The following CWC27 variants were observed in gnomAD, a reference collection of about 807,000 sequenced individuals.
CWC27 encodes CWC27 spliceosome associated cyclophilin.
A neutral mutation model predicts 63.6 loss-of-function variants in CWC27; 47 were observed. The observed-to-expected ratio is 0.74, with a 90% CI of 0.58 to 0.94. The LOEUF (loss-of-function observed/expected upper bound fraction) is 0.94, where lower values mean the gene tolerates loss of function less well. CWC27 is among the 40% of genes least tolerant of loss of function. CWC27 has a pLI of 0.00. For synonymous variants in CWC27, 175 were observed against 179.8 expected, an observed-to-expected ratio of 0.97 and a Z score of 0.22; for missense variants, 495 against 554.3, an observed-to-expected ratio of 0.89 and a Z score of 1.07.
At chr5:64,781,766 A>C (rs1354787566) in intron 2 of CWC27, among the ~76,000 whole-genome samples, 155 bp from the exon 3 acceptor site, 1 of 152,156 alleles carries the variant, frequency 6.6e-6, no homozygotes, top group Non-Finnish European at 1.5e-5. Flanking sequence ...CTGAGAAGTA[A>C]CTATTTTATA....
chr5:65,014,276 G>A (rs561564946), intron 13 of CWC27, among the ~76,000 whole-genome samples: 1 of 145,942 alleles, frequency 6.9e-6, no homozygotes, highest in African/African-American at 2.5e-5. Flanking sequence ...ATATACCATA[G>A]AGATCAGTTA....
At chr5:64,987,934 G>T (rs266560) in intron 13 of CWC27, among the ~76,000 whole-genome samples, 68,065 of 151,890 alleles carry the variant, frequency 0.45, 15,412 homozygotes, top group African/African-American at 0.47. Context: ...TGTGATGTTG[G>T]CTATGCTTCT....
chr5:64,893,018 A>G lies in CWC27; in HGVS notation c.1042+7472A>G, dbSNP rs148503828. 6.0e-3 allele frequency among the ~76,000 whole-genome samples: 920 copies of G among 152,182 alleles called. 12 individuals are homozygous for G. The highest frequency in any genetic ancestry group is 0.021 in the African/African-American group (892 of 41,514). On this transcript the variant is annotated intron_variant, in intron 11 of 13. Coordinates refer to ENST00000381070, the MANE Select transcript of CWC27 (RefSeq NM_005869.4). ...CATTGAAATAATTACAAATTTGTCC[A>G]CTCTTGGAAAGTAGAAGAGGTGAAG...
chr5:64,976,715 G>T (rs76789612), intron 12 of CWC27, among the ~76,000 whole-genome samples: 1 of 151,814 alleles, frequency 6.6e-6, no homozygotes, highest in African/African-American at 2.4e-5. Flanking sequence ...TTTTCTTTTT[G>T]TAGTGATAGA....
At chr5:64,947,607 T>G (rs1413750879) in intron 11 of CWC27, among the ~76,000 whole-genome samples, 1 of 152,144 alleles carries the variant, frequency 6.6e-6, no homozygotes, top group African/African-American at 2.4e-5. Context: ...ATTTCACTAG[T>G]TATTAACAGA....
intron 13 of CWC27, among the ~76,000 whole-genome samples, chr5:65,004,999 C>G (rs1749816787): frequency 6.7e-6 from 1 of 148,774 alleles, no homozygotes; most frequent in Non-Finnish European, 1.5e-5. Context: ...GACTTCTTAG[C>G]CTGTAATCAG....
chr5:64,931,132 A>G (rs1748229205), intron 11 of CWC27, among the ~76,000 whole-genome samples: 1 of 152,156 alleles, frequency 6.6e-6, no homozygotes, highest in Non-Finnish European at 1.5e-5. Context: ...TTGCATCACT[A>G]TGAAATTTTC....
chr5:65,006,960 CAG>C (rs1474738338), intron 13 of CWC27, among the ~76,000 whole-genome samples: 1 of 121,214 alleles, frequency 8.2e-6, no homozygotes, highest in South Asian at 3.0e-4. Flanking sequence ...TTTAAAAAGA[CAG>C]AAAGAAAGAA....
intron 10 of CWC27, among the ~76,000 whole-genome samples, chr5:64,853,137 T>G (rs1746177025): frequency 6.6e-6 from 1 of 152,170 alleles, no homozygotes; most frequent in African/African-American, 2.4e-5. Flanking sequence ...GGCGGCAGAT[T>G]TGGGCTCAAC....
At chr5:64,838,408 A>C (rs1046091596) in intron 10 of CWC27, among the ~76,000 whole-genome samples, 1 of 152,202 alleles carries the variant, frequency 6.6e-6, no homozygotes, top group Non-Finnish European at 1.5e-5. Flanking sequence ...TACAATATAC[A>C]GATAGGGTTC....
At chr5:64,987,992 C>T (rs1749467399) in intron 13 of CWC27, among the ~76,000 whole-genome samples, 2 of 152,104 alleles carry the variant, frequency 1.3e-5, no homozygotes, top group Admixed American at 1.3e-4. Context: ...GGTTTTTAGA[C>T]ATTATTTCTT....
intron 13 of CWC27, among the ~76,000 whole-genome samples, chr5:64,992,533 C>CTT (rs36044216): frequency 2.0e-5 from 3 of 146,912 alleles, no homozygotes; most frequent in Non-Finnish European, 1.5e-5. Context: ...ACTTTCTACA[C>CTT]TTTTTTTTTT....
At chr5:64,910,927 C>T (rs574459605) in intron 11 of CWC27, among the ~76,000 whole-genome samples, 2 of 152,352 alleles carry the variant, frequency 1.3e-5, no homozygotes, top group East Asian at 3.9e-4. Flanking sequence ...CAATGGCCCA[C>T]CCTGCTTCAG....
chr5:64,883,129 C>T (rs920244712), intron 10 of CWC27, among the ~76,000 whole-genome samples: 3 of 152,086 alleles, frequency 2.0e-5, no homozygotes, highest in Non-Finnish European at 4.4e-5. Flanking sequence ...GTGGAAATAC[C>T]AAATGCTTAT....
intron 13 of CWC27, among the ~76,000 whole-genome samples, chr5:65,000,168 A>C (rs1169242378): frequency 6.6e-6 from 1 of 152,004 alleles, no homozygotes; most frequent in Non-Finnish European, 1.5e-5. Flanking sequence ...TCCTTTGCCT[A>C]CTTTTTAACA....
chr5:64,780,017 C>T (rs1743606727), intron 2 of CWC27, among the ~76,000 whole-genome samples: 2 of 152,078 alleles, frequency 1.3e-5, no homozygotes, highest in African/African-American at 4.8e-5. Flanking sequence ...ATGAATTATC[C>T]AGTCTTGGGT....
chr5:64,778,144 G>A (rs1176384253), intron 2 of CWC27, among the ~76,000 whole-genome samples: 2 of 152,126 alleles, frequency 1.3e-5, no homozygotes, highest in East Asian at 3.8e-4. Context: ...TTCCGTCACA[G>A]GTAACATATA....
At position 64,977,227 on chromosome 5, in the gene CWC27, T is replaced by C; in HGVS notation, c.1245T>C (p.Asp415=). 6.2e-7 allele frequency: 1 copy of C among 1,606,326 alleles called. No individual in the cohort carries two copies. ...ENDIPETEVE[D]DEGWMSHVLQ... is the part of the protein sequence containing the mutation. ...ACATTCCTGAAACAGAAGTAGAAGA[T>C]GATGAAGGATGGTAAGGGCTTTGAT... Residue 415 remains aspartate (D), a synonymous_variant, in exon 13 of 14, where the codon GAT becomes GAC. Transcript: ENST00000381070.
chr5:64,870,723 A>G (rs957278922), intron 10 of CWC27, among the ~76,000 whole-genome samples: 16 of 152,260 alleles, frequency 1.1e-4, no homozygotes, highest in Admixed American at 2.6e-4. Flanking sequence ...CAGAATTAAT[A>G]GTTTATTAAA....
Sources: gnomAD v4.1 joint callset for allele counts (sites outside exome capture counted in the v4.1 genomes callset) on GRCh38, gnomAD v4.1.1 for gene constraint, MANE v1.5 for transcripts, NCBI Gene and HGNC (gene_info 2026-07-23, HGNC 2026-07-21) for gene names.